TMEM170A: variants seen among roughly 807,000 people sequenced by gnomAD.
TMEM170A encodes transmembrane protein 170A.
Under a neutral mutation model 12.8 loss-of-function variants are expected in TMEM170A, and 18 were observed. That is an observed-to-expected ratio of 1.41 (90% CI 0.97 to 2.09). The LOEUF (loss-of-function observed/expected upper bound fraction) is 2.09, where lower values mean the gene tolerates loss of function less well. Among genes scored for constraint, TMEM170A ranks in the 30% most tolerant of loss-of-function variants. TMEM170A has a pLI of 0.00. For synonymous variants in TMEM170A, 107 were observed against 76.2 expected (o/e 1.40, Z -2.11); for missense variants, 220 against 179.9 (o/e 1.22, Z -1.28).
chr16:75,463,468 G>GC (rs1484692990), intron 1 of TMEM170A, among the ~76,000 whole-genome samples: 4 of 152,126 alleles, frequency 2.6e-5, no homozygotes, highest in Non-Finnish European at 5.9e-5. Flanking sequence ...ACATAACACT[G>GC]CAAGTCCCAG....
intron 1 of TMEM170A, chr16:75,464,154 CTG>C (rs1456563822): frequency 1.2e-5 from 17 of 1,424,168 alleles, no homozygotes; most frequent in Non-Finnish European, 1.5e-5. Context: ...GGGTGCAGCT[CTG>C]AACCTGAGGC....
chr16:75,452,110 T>C (rs1477649743), intron 1 of TMEM170A, among the ~76,000 whole-genome samples: 1 of 152,156 alleles, frequency 6.6e-6, no homozygotes, highest in Non-Finnish European at 1.5e-5. Context: ...TAGCTGGGAC[T>C]ACAGGCACCC....
rs531094821 is a variant in TMEM170A, at chr16:75,460,604, C to T, written c.133+3864G>A. On this transcript the variant is annotated intron_variant, in intron 1 of 2. Transcript: ENST00000561878. ...CATCCAGGGCCTCCCCATCACTTTA[C>T]AGCAAACAGCAATCCACCCCCACCA... Among the ~76,000 whole-genome samples, 9 of 152,304 alleles carry T rather than the reference C, an allele frequency of 5.9e-5. No homozygotes were observed. The East Asian group carries it at 1.7e-3, about 29-fold the overall frequency.
chr16:75,456,455 C>T (rs552810661), intron 1 of TMEM170A, among the ~76,000 whole-genome samples: 5 of 152,122 alleles, frequency 3.3e-5, no homozygotes, highest in South Asian at 2.1e-4. Context: ...GGTGGGGTGG[C>T]GCAAGCCTGT....
At chr16:75,450,312 T>C (rs962522011) in intron 2 of TMEM170A, among the ~76,000 whole-genome samples, 1 of 152,060 alleles carries the variant, frequency 6.6e-6, no homozygotes, top group Non-Finnish European at 1.5e-5. Context: ...TATAAAAATG[T>C]ATTTATGTTT....
At chr16:75,460,585 G>A (rs781112278) in intron 1 of TMEM170A, among the ~76,000 whole-genome samples, 1 of 152,092 alleles carries the variant, frequency 6.6e-6, no homozygotes, top group Non-Finnish European at 1.5e-5. Flanking sequence ...TCACCATCCA[G>A]GGCCTCCCCA....
chr16:75,447,830 T>A, intron 2 of TMEM170A, 142 bp from the exon 3 acceptor site: 3 of 1,058,996 alleles, frequency 2.8e-6, no homozygotes, highest in Non-Finnish European at 3.9e-6. Context: ...AATGTTAGGT[T>A]TTCCCTATTC....
intron 1 of TMEM170A, among the ~76,000 whole-genome samples, chr16:75,455,926 C>G (rs2079784875): frequency 6.6e-6 from 1 of 152,082 alleles, no homozygotes; most frequent in Non-Finnish European, 1.5e-5. Context: ...GAGAGGAGGA[C>G]CAGAAGCTTT....
intron 1 of TMEM170A, among the ~76,000 whole-genome samples, chr16:75,454,244 C>G (rs1319648959): frequency 1.3e-5 from 2 of 152,148 alleles, no homozygotes; most frequent in Admixed American, 1.3e-4. Flanking sequence ...AAAATATTTC[C>G]AGACATTGTC....
chr16:75,455,201 C>G (rs1043849729), intron 1 of TMEM170A, among the ~76,000 whole-genome samples: 2 of 151,940 alleles, frequency 1.3e-5, no homozygotes, highest in African/African-American at 2.4e-5. Flanking sequence ...ACTAAAAATA[C>G]AAAGAATTAG....
intron 2 of TMEM170A, among the ~76,000 whole-genome samples, chr16:75,448,848 G>A (rs1597435315): frequency 6.6e-6 from 1 of 151,776 alleles, no homozygotes; most frequent in African/African-American, 2.4e-5. Context: ...GATCGCTTGA[G>A]CCCAGGAGTT....
At chr16:75,461,297 G>T (rs143273073) in intron 1 of TMEM170A, among the ~76,000 whole-genome samples, 6 of 151,774 alleles carry the variant, frequency 4.0e-5, no homozygotes, top group East Asian at 1.9e-4. Flanking sequence ...TAGATGATCC[G>T]CCCGCTTCGG....
intron 1 of TMEM170A, among the ~76,000 whole-genome samples, chr16:75,461,150 T>C (rs2079899209): frequency 6.6e-6 from 1 of 151,810 alleles, no homozygotes. Flanking sequence ...CCCTCCCAGG[T>C]TCAAGCGATT....
chr16:75,451,765 G>C lies in TMEM170A; in HGVS notation c.208C>G (p.Leu70Val), dbSNP rs201859274. Residue 70 changes from leucine to valine, a missense_variant, in exon 2 of 3, where the codon CTC becomes GTC. Transcript: ENST00000561878. Reference protein sequence around the residue: ...FFHVPAGLLALFTLRHHKYGR... With the variant: ...FFHVPAGLLAVFTLRHHKYGR... ...TATTTGTGATGTCTGAGGGTGAAGAGGGCCAGTAATCCAGCAGGGACATGA... is the reference window on the plus strand; with the variant it reads ...TATTTGTGATGTCTGAGGGTGAAGACGGCCAGTAATCCAGCAGGGACATGA... The C allele has an allele frequency of 6.2e-7, 1 of 1,614,104 alleles. No individual in the cohort carries two copies. The highest frequency in any genetic ancestry group is 1.1e-5 in the South Asian group (1 of 91,078).
intron 2 of TMEM170A, among the ~76,000 whole-genome samples, chr16:75,450,990 C>T (rs544892242): frequency 6.6e-6 from 1 of 152,156 alleles, no homozygotes; most frequent in East Asian, 1.9e-4. Flanking sequence ...AATTTGTCTT[C>T]TATCTTTACA....
intron 2 of TMEM170A, among the ~76,000 whole-genome samples, chr16:75,450,062 A>G (rs918367583): frequency 2.0e-5 from 3 of 151,794 alleles, no homozygotes; most frequent in African/African-American, 7.3e-5. Context: ...TATTACCCCT[A>G]TTTTACTGAG....
chr16:75,456,809 A>G (rs938261900), intron 1 of TMEM170A, among the ~76,000 whole-genome samples: 2 of 152,122 alleles, frequency 1.3e-5, no homozygotes, highest in Non-Finnish European at 2.9e-5. Flanking sequence ...TGGCCCCTGG[A>G]TCAGTCAAGA....
chr16:75,459,467 T>C (rs2079861805), intron 1 of TMEM170A, among the ~76,000 whole-genome samples: 1 of 152,146 alleles, frequency 6.6e-6, no homozygotes, highest in Non-Finnish European at 1.5e-5. Context: ...CCCACTCTCA[T>C]CTTGTGTTTC....
intron 1 of TMEM170A, among the ~76,000 whole-genome samples, chr16:75,462,268 A>G (rs932102050): frequency 6.6e-6 from 1 of 152,202 alleles, no homozygotes. Context: ...CACCCAGGCT[A>G]AAGTGCAGTG....
Sources: allele counts gnomAD v4.1 joint callset (sites outside exome capture counted in the v4.1 genomes callset), GRCh38; gene constraint gnomAD v4.1.1; transcripts MANE v1.5; gene names NCBI Gene and HGNC (gene_info 2026-07-23, HGNC 2026-07-21).